IGSF21: variants seen among roughly 807,000 people sequenced by gnomAD.
IGSF21 encodes the protein immunoglobin superfamily member 21, also known as immunoglobulin superfamily member 21.
A neutral mutation model predicts 46.8 loss-of-function variants in IGSF21; 28 were observed. The observed-to-expected ratio is 0.60, with a 90% CI of 0.44 to 0.82. The LOEUF (loss-of-function observed/expected upper bound fraction) is 0.82. Ranked by LOEUF, IGSF21 falls within the 40% of genes least tolerant of loss-of-function variation. IGSF21 has a pLI of 0.00. For missense variants in IGSF21, 624 were observed against 665.5 expected, an observed-to-expected ratio of 0.94 and a Z score of 0.69; for synonymous variants, 284 against 273.6, an observed-to-expected ratio of 1.04 and a Z score of -0.38.
intron 2 of IGSF21, among the ~76,000 whole-genome samples, chr1:18,255,017 G>A (rs992613511): frequency 6.6e-6 from 1 of 152,198 alleles, no homozygotes; most frequent in African/African-American, 2.4e-5. Flanking sequence ...CTGCCTTCAG[G>A]CTTTGTCAAG....
At chr1:18,277,192 C>T (rs1053290366) in intron 2 of IGSF21, among the ~76,000 whole-genome samples, 3 of 152,220 alleles carry the variant, frequency 2.0e-5, no homozygotes, top group Non-Finnish European at 4.4e-5. Context: ...GCTGGGGTCA[C>T]CCCAAGTTTG....
Position 18,376,340 on chromosome 1 carries a change from C to T in IGSF21, c.1046C>T (p.Thr349Met), listed in dbSNP as rs141744591. 3.5e-5 allele frequency: 57 copies of T among 1,613,792 alleles called. 1 individual carries two copies. In the Middle Eastern group the frequency reaches 6.6e-4, roughly 19 times the overall value. The part of the protein sequence containing the change: ...VAPKGPKIVM[T>M]PSRARVGDTV... The stretch of plus-strand genomic sequence containing the variant: ...CCCAAAGGACCCAAAATTGTGATGA[C>T]GCCCAGCAGAGCCCGGGTAGGGGAC... Residue 349 changes from threonine (T) to methionine (M), a missense_variant, in exon 7 of 10, where the codon ACG becomes ATG. Transcript: ENST00000251296.
intron 4 of IGSF21, among the ~76,000 whole-genome samples, chr1:18,358,647 A>G (rs907510167): frequency 1.3e-5 from 2 of 152,258 alleles, no homozygotes; most frequent in Admixed American, 6.5e-5. Flanking sequence ...AGTAAATCAC[A>G]CTGACAATAA....
intron 1 of IGSF21, chr1:18,167,890 C>T (rs2086695053): frequency 6.6e-6 from 1 of 152,292 alleles, no homozygotes; most frequent in African/African-American, 2.4e-5. Context: ...TGGCTCCTCT[C>T]CACAGATCCC....
intron 1 of IGSF21, among the ~76,000 whole-genome samples, chr1:18,192,723 G>A (rs1281418929): frequency 6.6e-6 from 1 of 152,110 alleles, no homozygotes; most frequent in East Asian, 1.9e-4. Flanking sequence ...GAATTATCTT[G>A]GTGGACAATA....
intron 2 of IGSF21, among the ~76,000 whole-genome samples, chr1:18,250,768 T>C (rs1414206795): frequency 6.6e-6 from 1 of 152,146 alleles, no homozygotes; most frequent in African/African-American, 2.4e-5. Context: ...ATTTATAAAG[T>C]GCCTGAGTGC....
chr1:18,261,270 G>A (rs2084944486), intron 2 of IGSF21, among the ~76,000 whole-genome samples: 1 of 152,186 alleles, frequency 6.6e-6, no homozygotes, highest in Admixed American at 6.5e-5. Flanking sequence ...CATGCAAGAA[G>A]GGAGAAGAGG....
intron 1 of IGSF21, among the ~76,000 whole-genome samples, chr1:18,164,730 T>TTATA (rs200826301): frequency 4.0e-5 from 6 of 150,840 alleles, no homozygotes; most frequent in African/African-American, 1.2e-4. Flanking sequence ...ATTTTTTCTT[T>TTATA]TATATATATA....
intron 1 of IGSF21, among the ~76,000 whole-genome samples, chr1:18,200,515 TGG>T (rs1183603185): frequency 7.2e-5 from 11 of 152,302 alleles, no homozygotes; most frequent in Non-Finnish European, 1.3e-4. Flanking sequence ...TTGGTGTTCC[TGG>T]GCTTGTGCCT....
chr1:18,316,021 A>G (rs72655190), intron 3 of IGSF21, among the ~76,000 whole-genome samples: 35,939 of 151,898 alleles, frequency 0.24, 4,478 homozygotes, highest in African/African-American at 0.27. Context: ...AGCCCCGGCC[A>G]TGCTCCAGTG....
Position 18,153,953 on chromosome 1 carries a change from G to C in IGSF21, c.70+45755G>C, listed in dbSNP as rs76314290. On this transcript the variant is annotated intron_variant, in intron 1 of 9. Transcript: ENST00000251296. ...GGTGGAGACACTGAAGCCCGGAGCA[G>C]GGAAGAGTCTTGCCCGCATCACACA... is the stretch of plus-strand genomic sequence containing the variant. Among the ~76,000 whole-genome samples the C allele has an allele frequency of 7.7e-3, 1,167 of 152,262 alleles. 10 individuals are homozygous for C. Among genetic ancestry groups the C allele is most frequent in the African/African-American group, 0.026 (1,094 of 41,540 alleles).
chr1:18,357,047 A>C (rs576285), intron 4 of IGSF21, among the ~76,000 whole-genome samples: 48,290 of 150,376 alleles, frequency 0.32, 8,175 homozygotes, highest in African/African-American at 0.44. Flanking sequence ...GGGGAAGGGG[A>C]TGTGGATGAG....
At chr1:18,333,696 G>C (rs2085737299) in intron 3 of IGSF21, among the ~76,000 whole-genome samples, 1 of 152,146 alleles carries the variant, frequency 6.6e-6, no homozygotes, top group Admixed American at 6.5e-5. Flanking sequence ...AGGGAGGAAA[G>C]AGCCTCCCTG....
intron 2 of IGSF21, among the ~76,000 whole-genome samples, chr1:18,238,439 C>T (rs1312704535): frequency 6.6e-6 from 1 of 152,172 alleles, no homozygotes; most frequent in African/African-American, 2.4e-5. Flanking sequence ...AGATAAGAAG[C>T]AGGGTGGTGG....
intron 3 of IGSF21, among the ~76,000 whole-genome samples, chr1:18,318,518 C>G (rs1293665496): frequency 6.6e-6 from 1 of 151,538 alleles, no homozygotes; most frequent in African/African-American, 2.4e-5. Flanking sequence ...GGGACTGTTT[C>G]TGCTTAGACC....
intron 1 of IGSF21, among the ~76,000 whole-genome samples, chr1:18,119,999 G>C (rs560112853): frequency 6.6e-6 from 1 of 152,362 alleles, no homozygotes; most frequent in East Asian, 1.9e-4. Context: ...CCTCGGTTCA[G>C]ATGGAACCAC....
chr1:18,252,059 T>G (rs1165374035), intron 2 of IGSF21, among the ~76,000 whole-genome samples: 1 of 138,958 alleles, frequency 7.2e-6, no homozygotes, highest in African/African-American at 2.7e-5. Flanking sequence ...TTTTTTTTTT[T>G]TTTTTTTTTG....
Position 18,365,486 on chromosome 1 carries a change from G to T in IGSF21, c.804G>T (p.Thr268=), listed in dbSNP as rs749270673. The T allele has an allele frequency of 3.7e-6, 6 of 1,614,008 alleles. No individual in the cohort carries two copies. Among genetic ancestry groups the T allele is most frequent in the Non-Finnish European group, 4.2e-6 (5 of 1,180,020 alleles). Residue 268 remains threonine, a synonymous_variant, in exon 6 of 10, where the codon ACG becomes ACT. Transcript: ENST00000251296. This position sits in a 1 kb window ranked among gnomAD's most constrained non-coding sequence, Gnocchi z 4.8. ...LQPTTENIPE[T]VVSREFPRWV... ...CAACCACAGAGAACATACCAGAGACGGTCGTGAGCCGTGAGTTTCCCCGCT... is the reference window on the plus strand; with the variant it reads ...CAACCACAGAGAACATACCAGAGACTGTCGTGAGCCGTGAGTTTCCCCGCT...
chr1:18,232,765 G>A (rs1429380334), intron 2 of IGSF21, among the ~76,000 whole-genome samples: 3 of 152,320 alleles, frequency 2.0e-5, no homozygotes, highest in South Asian at 4.1e-4. Context: ...TCACCTCAGT[G>A]AACATTTGCT....
Sources: gnomAD v4.1 joint callset for allele counts (sites outside exome capture counted in the v4.1 genomes callset) on GRCh38, gnomAD v4.1.1 for gene constraint, Gnocchi (gnomAD v3.1) non-coding constraint, MANE v1.5 for transcripts, NCBI Gene and HGNC (gene_info 2026-07-23, HGNC 2026-07-21) for gene names.